Variants in MAGI2 observed in about 807,000 individuals in gnomAD.
MAGI2 encodes the protein membrane associated guanylate kinase, WW and PDZ domain containing 2.
In MAGI2, 35 loss-of-function variants were observed where a neutral mutation model predicts 133.3. The ratio of observed to expected loss-of-function variants is 0.26; its 90% confidence interval spans 0.20 to 0.35. The LOEUF (loss-of-function observed/expected upper bound fraction) is 0.35, where lower values mean the gene tolerates loss of function less well. Ranked by LOEUF, MAGI2 falls within the 10% of genes least tolerant of loss-of-function variation. The pLI is 1.00. For missense variants in MAGI2, 1,636 were observed against 1,863.4 expected (o/e 0.88, Z 2.25); for synonymous variants, 729 against 710.6 (o/e 1.03, Z -0.41).
intron 2 of MAGI2, among the ~76,000 whole-genome samples, chr7:78,712,263 G>T (rs1819268438): frequency 1.3e-5 from 2 of 152,168 alleles, no homozygotes; most frequent in Non-Finnish European, 2.9e-5. Context: ...AAGATGACTA[G>T]ATAAAGTTTG....
At chr7:78,486,435 A>G in intron 6 of MAGI2, 1 of 163,210 alleles carries the variant, frequency 6.1e-6, no homozygotes, top group Non-Finnish European at 1.3e-5. Context: ...CAATGGGCTA[A>G]GAACAGTTTA....
chr7:79,376,603 T>C (rs1843395200), intron 1 of MAGI2, among the ~76,000 whole-genome samples: 1 of 151,836 alleles, frequency 6.6e-6, no homozygotes, highest in African/African-American at 2.4e-5. Flanking sequence ...GCGTCTACAA[T>C]GTAGATGCCT....
At chr7:78,324,170 C>CACTACACACT (rs77844311) in intron 9 of MAGI2, among the ~76,000 whole-genome samples, 31 of 127,280 alleles carry the variant, frequency 2.4e-4, no homozygotes, top group African/African-American at 5.0e-4. Context: ...CACTACACTA[C>CACTACACACT]ACACTACACT....
At chr7:78,795,726 C>G (rs916987407) in intron 2 of MAGI2, among the ~76,000 whole-genome samples, 1 of 152,088 alleles carries the variant, frequency 6.6e-6, no homozygotes, top group African/African-American at 2.4e-5. Flanking sequence ...CATCACATTA[C>G]CTGATTTCAA....
At chr7:78,555,170 A>AAATAAATGAATGAATG (rs1163688347) in intron 3 of MAGI2, among the ~76,000 whole-genome samples, 1 of 66,112 alleles carries the variant, frequency 1.5e-5, no homozygotes, top group African/African-American at 3.1e-5. Context: ...ATAAATAAAT[A>AAATAAATGAATGAATG]AATGAATGAT....
intron 2 of MAGI2, among the ~76,000 whole-genome samples, chr7:78,797,161 A>G (rs1787684364): frequency 6.6e-6 from 1 of 152,140 alleles, no homozygotes; most frequent in Admixed American, 6.6e-5. Context: ...AAGAAAAGAT[A>G]CATGTTTGAG....
At chr7:78,521,812 A>G (rs550038556) in intron 3 of MAGI2, among the ~76,000 whole-genome samples, 167 bp from the exon 4 acceptor site, 23 of 152,208 alleles carry the variant, frequency 1.5e-4, no homozygotes, top group South Asian at 1.0e-3. Flanking sequence ...CTCTCTATAT[A>G]TATACATATT....
At chr7:79,235,134 G>A (rs13307697) in intron 1 of MAGI2, among the ~76,000 whole-genome samples, 1 of 151,968 alleles carries the variant, frequency 6.6e-6, no homozygotes, top group African/African-American at 2.4e-5. Flanking sequence ...ACCCACTTGA[G>A]GAGGCAGTCT....
At chr7:79,209,331 A>G (rs1485345531) in intron 1 of MAGI2, among the ~76,000 whole-genome samples, 1 of 152,108 alleles carries the variant, frequency 6.6e-6, no homozygotes, top group Non-Finnish European at 1.5e-5. Flanking sequence ...ACTAAATACA[A>G]TGAAAGTGAT....
intron 2 of MAGI2, among the ~76,000 whole-genome samples, chr7:78,948,614 G>A (rs139763590): frequency 1.2e-4 from 18 of 152,092 alleles, no homozygotes; most frequent in Non-Finnish European, 2.2e-4. Flanking sequence ...TTTATAGAAC[G>A]ACATTAGGCA....
intron 2 of MAGI2, among the ~76,000 whole-genome samples, chr7:78,837,040 T>G (rs1401514757): frequency 1.3e-5 from 2 of 152,194 alleles, no homozygotes; most frequent in East Asian, 3.8e-4. Flanking sequence ...ATTTCGTTTT[T>G]CAAAATGCCT....
chr7:79,313,701 T>C lies in MAGI2; in HGVS notation c.301+139319A>G, dbSNP rs143725307. On this transcript the variant is annotated intron_variant, in intron 1 of 21. Transcript: ENST00000354212. ...GAACTGTTAGCCTTACTTTTATTTTTGAAATTCTTCAAATCAACCTACTAA... is the reference window on the plus strand; with the variant it reads ...GAACTGTTAGCCTTACTTTTATTTTCGAAATTCTTCAAATCAACCTACTAA... 1.6e-3 allele frequency among the ~76,000 whole-genome samples: 244 copies of C among 152,328 alleles called. 1 individual carries two copies. The highest frequency in any genetic ancestry group is 5.4e-3 in the African/African-American group (223 of 41,578).
At chr7:79,110,037 G>A (rs1818790203) in intron 1 of MAGI2, among the ~76,000 whole-genome samples, 2 of 152,162 alleles carry the variant, frequency 1.3e-5, no homozygotes, top group Non-Finnish European at 2.9e-5. Flanking sequence ...TACAGCTTAG[G>A]CCGCTGCTTC....
chr7:79,125,483 G>C (rs1820329564), intron 1 of MAGI2: 1 of 511,498 alleles, frequency 2.0e-6, no homozygotes, highest in African/African-American at 1.9e-5. Flanking sequence ...AGTTACTCCA[G>C]AGGAAGCAGA....
At chr7:78,213,605 A>G (rs1787981479) in intron 10 of MAGI2, among the ~76,000 whole-genome samples, 2 of 152,240 alleles carry the variant, frequency 1.3e-5, no homozygotes, top group African/African-American at 4.8e-5. Context: ...TAAACAGACC[A>G]TAACCTGCTC....
At chr7:78,951,504 A>G (rs1323495685) in intron 2 of MAGI2, among the ~76,000 whole-genome samples, 1 of 152,010 alleles carries the variant, frequency 6.6e-6, no homozygotes, top group Admixed American at 6.6e-5. Context: ...CGCTTATAAA[A>G]CCATCAGATC....
chr7:79,019,283 G>A (rs1034366961), intron 1 of MAGI2, among the ~76,000 whole-genome samples: 7 of 152,152 alleles, frequency 4.6e-5, no homozygotes, highest in Non-Finnish European at 1.0e-4. Context: ...AGGACTGGGT[G>A]GAGATAATTT....
intron 1 of MAGI2, among the ~76,000 whole-genome samples, chr7:79,112,151 T>C (rs1177647304): frequency 1.3e-5 from 2 of 152,012 alleles, no homozygotes; most frequent in Non-Finnish European, 2.9e-5. Context: ...TTTTTTTTAG[T>C]TGAAAGGGGC....
intron 3 of MAGI2, among the ~76,000 whole-genome samples, chr7:78,543,705 C>T (rs1164171493): frequency 6.6e-6 from 1 of 152,178 alleles, no homozygotes. Context: ...TAAAAGTTTT[C>T]TTGCATGCTG....
Sources: allele counts gnomAD v4.1 joint callset (sites outside exome capture counted in the v4.1 genomes callset), GRCh38; gene constraint gnomAD v4.1.1; transcripts MANE v1.5; gene names NCBI Gene and HGNC (gene_info 2026-07-23, HGNC 2026-07-21).